The following SLC36A1 variants were observed in gnomAD, a reference collection of about 807,000 sequenced individuals.
The protein encoded by SLC36A1 is proton-coupled amino acid transporter 1.
In SLC36A1, 30 loss-of-function variants were observed where a neutral mutation model predicts 47.5. That is an observed-to-expected ratio of 0.63 (90% CI 0.47 to 0.86). The LOEUF (loss-of-function observed/expected upper bound fraction) is 0.86. Among genes scored for constraint, SLC36A1 ranks in the 40% least tolerant of loss-of-function variants. The pLI is 0.00. For missense variants in SLC36A1, 517 were observed against 606.0 expected, an observed-to-expected ratio of 0.85 and a Z score of 1.54; for synonymous variants, 255 against 249.7, an observed-to-expected ratio of 1.02 and a Z score of -0.20.
chr5:151,418,342 T>G, the SLC36A1 span, among the ~76,000 whole-genome samples: 1 of 152,196 alleles, frequency 6.6e-6, no homozygotes, highest in African/African-American at 2.4e-5. Flanking sequence ...CAACTTGCAC[T>G]GTGCACCTGG....
the SLC36A1 span, among the ~76,000 whole-genome samples, chr5:151,384,972 ATG>A: frequency 1.4e-5 from 2 of 142,258 alleles, no homozygotes; most frequent in Non-Finnish European, 3.1e-5. Flanking sequence ...TGAGGTGTGT[ATG>A]TGTGTGTGTG....
chr5:151,552,533 G>A, the SLC36A1 span, among the ~76,000 whole-genome samples: 20 of 152,106 alleles, frequency 1.3e-4, no homozygotes, highest in Non-Finnish European at 2.6e-4. Flanking sequence ...GTTTCAAAGG[G>A]CCTATACATC....
the SLC36A1 span, among the ~76,000 whole-genome samples, chr5:151,394,857 G>A: frequency 1.4e-3 from 209 of 152,310 alleles, 1 homozygote; most frequent in East Asian, 8.1e-3. Context: ...TCAGGGACCC[G>A]CTTGAGGAGG....
the SLC36A1 span, among the ~76,000 whole-genome samples, chr5:151,519,851 A>G: frequency 6.6e-6 from 1 of 152,178 alleles, no homozygotes; most frequent in Non-Finnish European, 1.5e-5. Context: ...CTGCTTCAGA[A>G]TTAAATGCCA....
chr5:151,549,595 T>A, the SLC36A1 span: 2 of 1,024,986 alleles, frequency 2.0e-6, no homozygotes, highest in Non-Finnish European at 1.5e-6. Context: ...GAATGCCAAT[T>A]TAAAATATGC....
the SLC36A1 span, among the ~76,000 whole-genome samples, chr5:151,365,853 G>A: frequency 2.2e-4 from 33 of 152,148 alleles, no homozygotes; most frequent in Admixed American, 1.4e-3. Context: ...CATTTTGTAC[G>A]TTGCCTGGCC....
chr5:151,484,231 A>C (rs1759213095), intron 10 of SLC36A1, among the ~76,000 whole-genome samples: 1 of 152,190 alleles, frequency 6.6e-6, no homozygotes, highest in Non-Finnish European at 1.5e-5. Flanking sequence ...GGGCTGGGAA[A>C]GGCTCTGATT....
chr5:151,485,476 G>A (rs943326065), intron 10 of SLC36A1, among the ~76,000 whole-genome samples: 1 of 152,170 alleles, frequency 6.6e-6, no homozygotes, highest in African/African-American at 2.4e-5. Flanking sequence ...GCATCCCTGT[G>A]AAAGCTAGCC....
At chr5:151,345,114 G>A in the SLC36A1 span, among the ~76,000 whole-genome samples, 2 of 152,128 alleles carry the variant, frequency 1.3e-5, no homozygotes, top group African/African-American at 2.4e-5. Flanking sequence ...AATGTTCCAG[G>A]GAGGCACTCT....
At chr5:151,503,851 G>C in the SLC36A1 span, among the ~76,000 whole-genome samples, 2 of 152,164 alleles carry the variant, frequency 1.3e-5, no homozygotes, top group African/African-American at 2.4e-5. Context: ...AAATGGAGGG[G>C]CTTGAACCAC....
At chr5:151,549,328 C>T in the SLC36A1 span, 1 of 1,613,600 alleles carries the variant, frequency 6.2e-7, no homozygotes, top group East Asian at 2.2e-5. Flanking sequence ...TCAGCATTGA[C>T]TCCCCGGTCA....
At chr5:151,430,717 A>G in the SLC36A1 span, among the ~76,000 whole-genome samples, 2 of 152,198 alleles carry the variant, frequency 1.3e-5, no homozygotes, top group Non-Finnish European at 2.9e-5. Context: ...TTATTGTCTG[A>G]AATCAATACC....
At chr5:151,393,173 T>G in the SLC36A1 span, among the ~76,000 whole-genome samples, 1 of 151,880 alleles carries the variant, frequency 6.6e-6, no homozygotes, top group Non-Finnish European at 1.5e-5. Context: ...TCTTTGTCTC[T>G]TTTGATCTTT....
chr5:151,380,237 C>T, the SLC36A1 span: 2 of 223,726 alleles, frequency 8.9e-6, no homozygotes, highest in Admixed American at 1.0e-4. Flanking sequence ...AAAAAGAACC[C>T]TAGGTGGGAG....
chr5:151,447,871 G>T (rs770435266), intron 1 of SLC36A1, 58 bp downstream of exon 1: 8 of 152,332 alleles, frequency 5.3e-5, no homozygotes, highest in Non-Finnish European at 8.8e-5. Context: ...TCCCCGGGCC[G>T]CAGCTGCGGT....
At chr5:151,512,621 C>T in the SLC36A1 span, 1 of 1,579,344 alleles carries the variant, frequency 6.3e-7, no homozygotes, top group African/African-American at 1.4e-5. This position sits in a 1 kb window ranked among gnomAD's most constrained non-coding sequence, Gnocchi z 4.1. Flanking sequence ...AAAGGAAATC[C>T]AAACAGCCAT....
chr5:151,382,914 A>G, the SLC36A1 span, among the ~76,000 whole-genome samples: 1 of 152,146 alleles, frequency 6.6e-6, no homozygotes, highest in Non-Finnish European at 1.5e-5. Flanking sequence ...AGAGGAGACT[A>G]TATATTCCAT....
intron 6 of SLC36A1, 145 bp downstream of exon 6, chr5:151,467,428 G>A (rs567373122): frequency 2.9e-5 from 19 of 664,450 alleles, no homozygotes; most frequent in South Asian, 5.9e-5. Context: ...ATAGATCTAC[G>A]TCTTCTATTT....
rs73796597 is a variant in SLC36A1, at chr5:151,467,117, A to G, written c.420-82A>G. On this transcript the variant is annotated intron_variant, in intron 5 of 10. Transcript: ENST00000243389. ...GTACTCCCTAAATCTATTAAAAAAC[A>G]AAAACAAAAAACACCTCCCCTTCTG... 1,231 of 1,129,182 alleles carry G rather than the reference A, an allele frequency of 1.1e-3. 6 individuals carry two copies. In the African/African-American group the frequency reaches 0.017, roughly 16 times the overall value. The allele number at this position is 1,129,182 out of a possible 1,614,324, so 69.9% of individuals were successfully genotyped here.
Sources: allele counts gnomAD v4.1 joint callset (sites outside exome capture counted in the v4.1 genomes callset), GRCh38; gene constraint gnomAD v4.1.1; non-coding constraint Gnocchi (gnomAD v3.1); transcripts MANE v1.5; gene names NCBI Gene and HGNC (gene_info 2026-07-23, HGNC 2026-07-21).